CDH13: variants seen among roughly 807,000 people sequenced by gnomAD.
The protein encoded by CDH13 is cadherin-13.
A neutral mutation model predicts 63.8 loss-of-function variants in CDH13; 24 were observed. That is an observed-to-expected ratio of 0.38 (90% confidence interval 0.27 to 0.53). CDH13 has a LOEUF of 0.53. Ranked by LOEUF, CDH13 falls within the 20% of genes least tolerant of loss-of-function variation. CDH13 has a pLI of 0.85. For synonymous variants in CDH13, 503 were observed against 355.3 expected (o/e 1.42, Z -4.67); for missense variants, 1,049 against 903.1 (o/e 1.16, Z -2.07).
chr16:82,756,410 C>A (rs902604251), intron 1 of CDH13, among the ~76,000 whole-genome samples: 3 of 152,122 alleles, frequency 2.0e-5, no homozygotes, highest in Admixed American at 6.5e-5. Context: ...TCACTTACTG[C>A]AAACCAGGAA....
At chr16:83,344,268 A>G (rs1298555544) in intron 5 of CDH13, among the ~76,000 whole-genome samples, 2 of 152,176 alleles carry the variant, frequency 1.3e-5, no homozygotes, top group African/African-American at 2.4e-5. Flanking sequence ...TGAGATCTGA[A>G]AGTAGTTCCC....
intron 3 of CDH13, among the ~76,000 whole-genome samples, chr16:83,112,030 G>GA (rs1038004681): frequency 6.6e-6 from 1 of 152,130 alleles, no homozygotes; most frequent in African/African-American, 2.4e-5. Flanking sequence ...AAACTTTGGA[G>GA]AAAAAAGTTT....
intron 4 of CDH13, among the ~76,000 whole-genome samples, chr16:83,128,635 A>G (rs546790783): frequency 1.3e-5 from 2 of 152,328 alleles, no homozygotes; most frequent in African/African-American, 4.8e-5. Context: ...TAGCCATCCT[A>G]TAGTTTTCTT....
intron 1 of CDH13, among the ~76,000 whole-genome samples, chr16:82,677,000 C>T (rs1181745878): frequency 2.6e-5 from 4 of 152,232 alleles, no homozygotes; most frequent in Admixed American, 6.5e-5. Flanking sequence ...TCTCCTGCCT[C>T]AGCCTCTCAA....
chr16:83,545,271 G>A (rs1322380033), intron 7 of CDH13, among the ~76,000 whole-genome samples: 1 of 152,174 alleles, frequency 6.6e-6, no homozygotes, highest in Non-Finnish European at 1.5e-5. Context: ...CACAGTAAGA[G>A]TTAAGGATTT....
intron 4 of CDH13, among the ~76,000 whole-genome samples, chr16:83,164,319 A>G (rs2037569530): frequency 6.6e-6 from 1 of 151,930 alleles, no homozygotes; most frequent in Non-Finnish European, 1.5e-5. Context: ...ACTACATACC[A>G]CACATCACAC....
intron 3 of CDH13, among the ~76,000 whole-genome samples, chr16:83,063,451 G>T (rs141847558): frequency 6.6e-6 from 1 of 152,266 alleles, no homozygotes; most frequent in East Asian, 1.9e-4. Flanking sequence ...GGCAAGGAAT[G>T]TGCAGCCATT....
At chr16:83,384,632 G>C (rs146955512) in intron 6 of CDH13, among the ~76,000 whole-genome samples, 1 of 152,332 alleles carries the variant, frequency 6.6e-6, no homozygotes, top group Non-Finnish European at 1.5e-5. Context: ...GCACTTGCAT[G>C]TGGGTCAGCA....
At chr16:83,445,165 C>T (rs1267439132) in intron 6 of CDH13, among the ~76,000 whole-genome samples, 1 of 145,524 alleles carries the variant, frequency 6.9e-6, no homozygotes, top group East Asian at 1.9e-4. Context: ...TCATTTAATC[C>T]TCATACAACA....
intron 2 of CDH13, among the ~76,000 whole-genome samples, chr16:82,952,152 C>G (rs753802453): frequency 1.1e-4 from 17 of 152,194 alleles, no homozygotes; most frequent in Non-Finnish European, 8.8e-5. Flanking sequence ...TCAAGTGGCT[C>G]AGGATTCACT....
intron 7 of CDH13, among the ~76,000 whole-genome samples, chr16:83,539,773 C>A (rs141922221): frequency 6.6e-6 from 1 of 152,122 alleles, no homozygotes; most frequent in Non-Finnish European, 1.5e-5. Context: ...CAAGGTCATG[C>A]GAATAGGTTA....
intron 5 of CDH13, among the ~76,000 whole-genome samples, chr16:83,258,972 GAAAAGAT>G (rs1906633589): frequency 6.6e-6 from 1 of 152,154 alleles, no homozygotes; most frequent in Non-Finnish European, 1.5e-5. Flanking sequence ...AAAGGAATTG[GAAAAGAT>G]AAAAGGAGGC....
At chr16:83,166,988 C>A (rs1269700642) in intron 4 of CDH13, among the ~76,000 whole-genome samples, 1 of 151,996 alleles carries the variant, frequency 6.6e-6, no homozygotes, top group African/African-American at 2.4e-5. Flanking sequence ...TGTGAAAATG[C>A]CTCTATTTGC....
At position 83,001,871 on chromosome 16, in the gene CDH13, G is replaced by A. The variant is rs147017984; in HGVS notation, c.158-30139G>A. On this transcript the variant is annotated intron_variant, in intron 2 of 13. Coordinates refer to ENST00000567109, the MANE Select transcript of CDH13 (RefSeq NM_001257.5). ...AAGCCCTTCCAAATGGGCAGAATGT[G>A]CAATTACTATCTCAGTAAATTTGTC... 8.7e-4 allele frequency among the ~76,000 whole-genome samples: 133 copies of A among 152,296 alleles called. 1 individual carries two copies. In the East Asian group the frequency reaches 0.023, roughly 26 times the overall value.
At chr16:82,948,079 G>A (rs1447285071) in intron 2 of CDH13, among the ~76,000 whole-genome samples, 1 of 152,128 alleles carries the variant, frequency 6.6e-6, no homozygotes, top group African/African-American at 2.4e-5. Flanking sequence ...GACATTGAAA[G>A]ATATTGTCAT....
chr16:83,658,484 C>G (rs62045340), intron 8 of CDH13, among the ~76,000 whole-genome samples: 328 of 116,186 alleles, frequency 2.8e-3, no homozygotes, highest in African/African-American at 0.011. Context: ...CACCAGGTCC[C>G]GTATCCTCAC....
chr16:83,145,544 C>A (rs16959444), intron 4 of CDH13, among the ~76,000 whole-genome samples: 7,929 of 152,278 alleles, frequency 0.052, 288 homozygotes, highest in East Asian at 0.11. Context: ...ACCGTGTCAA[C>A]ACAGTTCTGC....
intron 1 of CDH13, among the ~76,000 whole-genome samples, chr16:82,733,188 C>G (rs905052701): frequency 6.6e-6 from 1 of 152,140 alleles, no homozygotes; most frequent in Non-Finnish European, 1.5e-5. Context: ...CATTGGCTGG[C>G]TTTACATATG....
At chr16:83,028,820 A>C (rs1916050545) in intron 2 of CDH13, among the ~76,000 whole-genome samples, 1 of 152,182 alleles carries the variant, frequency 6.6e-6, no homozygotes, top group South Asian at 2.1e-4. Context: ...GAATTGAAGA[A>C]AGCCAAGCCA....
Sources: gnomAD v4.1 joint callset for allele counts (sites outside exome capture counted in the v4.1 genomes callset) on GRCh38, gnomAD v4.1.1 for gene constraint, MANE v1.5 for transcripts, NCBI Gene and HGNC (gene_info 2026-07-23, HGNC 2026-07-21) for gene names.